The following GABRB2 variants were observed in gnomAD, a reference collection of about 807,000 sequenced individuals.
GABRB2 encodes the protein gamma-aminobutyric acid receptor subunit beta-2.
GABRB2 carries 16 observed loss-of-function variants against 54.7 expected under a neutral mutation model. That is an observed-to-expected ratio of 0.29 (90% CI 0.20 to 0.44). The LOEUF is 0.44. Among genes scored for constraint, GABRB2 ranks in the 20% least tolerant of loss-of-function variants. GABRB2 has a pLI of 1.00. For missense variants in GABRB2, 355 were observed against 644.0 expected (o/e 0.55, Z 4.86); for synonymous variants, 244 against 233.8 (o/e 1.04, Z -0.40).
In GABRB2 at chr5:161,308,108, G is replaced by A. The variant is rs57361449; in HGVS notation, c.1192-13680C>T. Among the ~76,000 whole-genome samples, 230 of 152,038 alleles carry A rather than the reference G, an allele frequency of 1.5e-3. 1 individual carries two copies. The East Asian group carries it at 0.032, about 21-fold the overall frequency. ...GATCTCCTGACCTCGTGATCTGCCC[G>A]CCTCGGCCTCACAAAGTGCTGGGAT... is the stretch of plus-strand genomic sequence containing the variant. On this transcript the variant is annotated intron_variant, in intron 9 of 9. Coordinates refer to ENST00000393959, the MANE Select transcript of GABRB2 (RefSeq NM_001371727.1).
intron 3 of GABRB2, among the ~76,000 whole-genome samples, chr5:161,478,721 C>T (rs961720363): frequency 1.3e-5 from 2 of 151,996 alleles, no homozygotes; most frequent in African/African-American, 4.8e-5. Flanking sequence ...ATGTGCCCTT[C>T]AGATAAATAT....
At chr5:161,500,880 T>C (rs1296527119) in intron 3 of GABRB2, among the ~76,000 whole-genome samples, 1 of 152,080 alleles carries the variant, frequency 6.6e-6, no homozygotes, top group East Asian at 1.9e-4. Flanking sequence ...CATGTGCACA[T>C]TGTGCAGGTT....
intron 3 of GABRB2, among the ~76,000 whole-genome samples, chr5:161,483,956 G>A (rs1213294205): frequency 6.6e-6 from 1 of 151,608 alleles, no homozygotes; most frequent in African/African-American, 2.4e-5. Context: ...CAATAAATAT[G>A]CTTCCTTGTG....
intron 3 of GABRB2, among the ~76,000 whole-genome samples, chr5:161,467,908 T>C (rs1758324977): frequency 6.6e-6 from 1 of 152,100 alleles, no homozygotes; most frequent in Admixed American, 6.6e-5. Flanking sequence ...GGTATAAATT[T>C]CCTGTTGGAT....
At position 161,545,298 on chromosome 5, in the gene GABRB2, C is replaced by A. The variant is rs545803508; in HGVS notation, c.170-4G>T. On this transcript the variant is annotated splice_polypyrimidine_tract_variant and splice_region_variant and intron_variant, in intron 2 of 9. Coordinates refer to ENST00000393959, the MANE Select transcript of GABRB2 (RefSeq NM_001371727.1). The stretch of plus-strand genomic sequence containing the variant: ...ATCCCCACAGCCACGGGGGGACCTG[C>A]AAAGCAAGACGGCCAGCCACGTGAT... 11 of 1,593,612 alleles carry A rather than the reference C, an allele frequency of 6.9e-6. No individual in the cohort carries two copies. The highest frequency in any genetic ancestry group is 3.6e-5 in the Admixed American group (2 of 55,402).
intron 3 of GABRB2, among the ~76,000 whole-genome samples, chr5:161,481,947 C>T (rs1758775643): frequency 6.6e-6 from 1 of 151,928 alleles, no homozygotes. Flanking sequence ...AAACGGGAGG[C>T]CTTTATTCCA....
intron 4 of GABRB2, chr5:161,459,132 C>G (rs191158821): frequency 6.1e-6 from 1 of 163,920 alleles, no homozygotes; most frequent in Non-Finnish European, 1.3e-5. Context: ...GTATACATTT[C>G]CCATTAATAA....
chr5:161,394,011 A>G (rs1162100562), intron 5 of GABRB2, among the ~76,000 whole-genome samples: 1 of 152,066 alleles, frequency 6.6e-6, no homozygotes, highest in Non-Finnish European at 1.5e-5. Flanking sequence ...TAAAAGGATA[A>G]AAACTATAAA....
At chr5:161,341,497 A>G (rs1271799256) in intron 5 of GABRB2, among the ~76,000 whole-genome samples, 1 of 151,904 alleles carries the variant, frequency 6.6e-6, no homozygotes, top group East Asian at 1.9e-4. Context: ...ATAAACTAAA[A>G]TACAAATTCA....
chr5:161,316,219 G>A (rs535678860), intron 9 of GABRB2, among the ~76,000 whole-genome samples: 2 of 152,076 alleles, frequency 1.3e-5, no homozygotes, highest in Non-Finnish European at 2.9e-5. Flanking sequence ...CACATATATG[G>A]CTCCTCAGAG....
At chr5:161,327,928 GA>G (rs1758417589) in intron 8 of GABRB2, among the ~76,000 whole-genome samples, 1 of 152,226 alleles carries the variant, frequency 6.6e-6, no homozygotes, top group South Asian at 2.1e-4. Context: ...TATTATTCAT[GA>G]TGCTGACACA....
intron 3 of GABRB2, among the ~76,000 whole-genome samples, chr5:161,505,017 A>G (rs1298894448): frequency 6.6e-6 from 1 of 152,100 alleles, no homozygotes; most frequent in East Asian, 1.9e-4. Context: ...GTTCTATCAA[A>G]TTTAAACAAG....
intron 4 of GABRB2, among the ~76,000 whole-genome samples, chr5:161,446,594 C>T (rs1180608083): frequency 6.6e-6 from 1 of 152,064 alleles, no homozygotes; most frequent in African/African-American, 2.4e-5. Context: ...CCATCTTTGA[C>T]GTGTATACTA....
At chr5:161,524,404 A>G (rs987353064) in intron 3 of GABRB2, among the ~76,000 whole-genome samples, 1 of 151,816 alleles carries the variant, frequency 6.6e-6, no homozygotes, top group Non-Finnish European at 1.5e-5. Flanking sequence ...GACAGACAAC[A>G]TCAATTTCTG....
Position 161,459,857 on chromosome 5 carries a change from GA to G in GABRB2, c.238-14del, listed in dbSNP as rs539366743. 1.3e-4 allele frequency: 199 copies of G among 1,510,624 alleles called. No homozygotes were observed. The highest frequency in any genetic ancestry group is 1.6e-4 in the Non-Finnish European group (178 of 1,101,876). The allele number at this position is 1,510,624 out of a possible 1,614,324, so 93.6% of individuals were successfully genotyped here. On this transcript the variant is annotated splice_polypyrimidine_tract_variant and intron_variant, in intron 3 of 9. Transcript: ENST00000393959. ...TCAAGGTATAATCCTGTAAATGTGA[GA>G]AAAAAAAACATGGTTAGTTTACACC... is the stretch of plus-strand genomic sequence containing the variant.
chr5:161,439,475 T>C (rs1053173626), intron 4 of GABRB2, among the ~76,000 whole-genome samples: 3 of 152,062 alleles, frequency 2.0e-5, no homozygotes, highest in East Asian at 3.9e-4. Flanking sequence ...AACTCACTGA[T>C]AATAGAAAGT....
intron 4 of GABRB2, among the ~76,000 whole-genome samples, chr5:161,418,868 T>TATAATCCCAGCACTTTGGG (rs551301986): frequency 6.6e-4 from 100 of 152,336 alleles, no homozygotes; most frequent in African/African-American, 2.3e-3. Context: ...GGCTCACACC[T>TATAATCCCAGCACTTTGGG]ATAATCCCAG....
At chr5:161,407,680 G>T (rs1303500346) in intron 5 of GABRB2, among the ~76,000 whole-genome samples, 1 of 151,964 alleles carries the variant, frequency 6.6e-6, no homozygotes, top group Non-Finnish European at 1.5e-5. Context: ...TGTACTAAAA[G>T]TTTCAGAGAG....
At chr5:161,500,968 A>G (rs1028166621) in intron 3 of GABRB2, among the ~76,000 whole-genome samples, 8 of 151,972 alleles carry the variant, frequency 5.3e-5, no homozygotes, top group Non-Finnish European at 1.0e-4. Context: ...ATATCTCCCA[A>G]TGCTATCCCT....
Sources: allele counts gnomAD v4.1 joint callset (sites outside exome capture counted in the v4.1 genomes callset), GRCh38; gene constraint gnomAD v4.1.1; transcripts MANE v1.5; gene names NCBI Gene and HGNC (gene_info 2026-07-23, HGNC 2026-07-21).